EVL: variants seen among roughly 807,000 people sequenced by gnomAD.
The protein encoded by EVL is ena/VASP-like protein.
EVL carries 21 observed loss-of-function variants against 59.6 expected under a neutral mutation model. The ratio of observed to expected loss-of-function variants is 0.35; its 90% CI spans 0.25 to 0.51. The LOEUF (loss-of-function observed/expected upper bound fraction) is 0.51. Among genes scored for constraint, EVL ranks in the 20% least tolerant of loss-of-function variants. The pLI is 0.97. For missense variants in EVL, 462 were observed against 546.6 expected, an observed-to-expected ratio of 0.85 and a Z score of 1.54; for synonymous variants, 198 against 203.5, an observed-to-expected ratio of 0.97 and a Z score of 0.23.
At chr14:100,005,630 TACACACACACACAC>T (rs35844160) in intron 1 of EVL, among the ~76,000 whole-genome samples, 21 of 143,750 alleles carry the variant, frequency 1.5e-4, no homozygotes, top group South Asian at 4.7e-4. Context: ...GCCTTTTAAA[TACACACACACACAC>T]ACACACACAC....
chr14:100,060,711 A>T (rs1461705842), upstream of EVL, among the ~76,000 whole-genome samples: 1 of 152,164 alleles, frequency 6.6e-6, no homozygotes, highest in Non-Finnish European at 1.5e-5. Flanking sequence ...GGAAATAATG[A>T]CCAGAATTTC....
rs899024658 is a variant in EVL at position 100,022,153 on chromosome 14, G to A, written c.5+50096G>A. On this transcript the variant is annotated intron_variant, in intron 1 of 13. Transcript: ENST00000402714. ...AGTTCTTCCTACATGAATATAAAGGGGGAAGCACATCCTGGGGCCGGCTCC... is the reference window on the plus strand; with the variant it reads ...AGTTCTTCCTACATGAATATAAAGGAGGAAGCACATCCTGGGGCCGGCTCC... 9.9e-5 allele frequency among the ~76,000 whole-genome samples: 15 copies of A among 152,136 alleles called. No individual in the cohort carries two copies. The East Asian group carries it at 2.7e-3, about 27-fold the overall frequency.
At chr14:100,035,583 C>G (rs929044873) in intron 1 of EVL, among the ~76,000 whole-genome samples, 6 of 152,070 alleles carry the variant, frequency 3.9e-5, no homozygotes, top group African/African-American at 1.4e-4. Flanking sequence ...GTCATTTACC[C>G]TCTTTGAGAC....
chr14:100,053,566 A>T (rs1047459895), intron 1 of EVL, among the ~76,000 whole-genome samples: 2 of 152,202 alleles, frequency 1.3e-5, no homozygotes, highest in Non-Finnish European at 2.9e-5. Context: ...TATTTTATTT[A>T]AAAATAGTCA....
intron 1 of EVL, among the ~76,000 whole-genome samples, chr14:100,028,803 C>A (rs1180731733): frequency 6.6e-6 from 1 of 152,120 alleles, no homozygotes; most frequent in East Asian, 1.9e-4. Flanking sequence ...GAGCGAGATT[C>A]CATCTCAAAA....
intron 1 of EVL, among the ~76,000 whole-genome samples, chr14:100,006,672 G>A (rs1399323867): frequency 6.6e-6 from 1 of 152,206 alleles, no homozygotes; most frequent in African/African-American, 2.4e-5. Flanking sequence ...AGACTGCTCT[G>A]TGCCATCCAA....
At chr14:99,982,825 G>C (rs1166560637) in intron 1 of EVL, among the ~76,000 whole-genome samples, 7 of 152,202 alleles carry the variant, frequency 4.6e-5, no homozygotes, top group Admixed American at 4.6e-4. Flanking sequence ...TGTATACTGA[G>C]CAGCCTGGGT....
intron 4 of EVL, among the ~76,000 whole-genome samples, chr14:100,124,273 C>G (rs1887886604): frequency 6.6e-6 from 1 of 152,200 alleles, no homozygotes; most frequent in African/African-American, 2.4e-5. Flanking sequence ...GGGAGTCAAG[C>G]TGCAGCTCTC....
intron 1 of EVL, among the ~76,000 whole-genome samples, chr14:99,997,584 G>A (rs2060922037): frequency 6.6e-6 from 1 of 152,226 alleles, no homozygotes; most frequent in Non-Finnish European, 1.5e-5. Flanking sequence ...ATGGAGATAG[G>A]TCTGAAGTCA....
Position 100,131,971 on chromosome 14 carries a change from C to T in EVL, c.840-748C>T, listed in dbSNP as rs112640232. On this transcript the variant is annotated intron_variant, in intron 7 of 13. Coordinates refer to ENST00000392920, the MANE Select transcript of EVL (RefSeq NM_016337.3). The stretch of plus-strand genomic sequence containing the variant: ...TGACAGCCTGGCCACGGCCCATTAT[C>T]ACACCTCAGACCAGCTCCATGCTTG... 9.7e-3 allele frequency among the ~76,000 whole-genome samples: 1,473 copies of T among 152,196 alleles called. 15 individuals are homozygous for T. The highest frequency in any genetic ancestry group is 0.034 in the African/African-American group (1,397 of 41,488).
At chr14:100,023,489 G>A (rs2061162239) in intron 1 of EVL, among the ~76,000 whole-genome samples, 1 of 148,462 alleles carries the variant, frequency 6.7e-6, no homozygotes, top group Admixed American at 6.8e-5. Flanking sequence ...CACCATGCCT[G>A]ACTAATTTTG....
At chr14:100,041,246 T>C (rs2061463208) in intron 1 of EVL, among the ~76,000 whole-genome samples, 1 of 152,220 alleles carries the variant, frequency 6.6e-6, no homozygotes, top group Non-Finnish European at 1.5e-5. Flanking sequence ...GAACTTTTTT[T>C]CCCAGAACTC....
intron 1 of EVL, among the ~76,000 whole-genome samples, chr14:100,055,023 A>G (rs1167570377): frequency 6.6e-6 from 1 of 152,098 alleles, no homozygotes; most frequent in Non-Finnish European, 1.5e-5. Flanking sequence ...CAAAATGGTG[A>G]AACCCCGTCT....
intron 11 of EVL, 55 bp downstream of exon 11, chr14:100,137,857 C>G: frequency 6.5e-7 from 1 of 1,549,342 alleles, no homozygotes; most frequent in Non-Finnish European, 8.9e-7. Context: ...CTCCTCTGTC[C>G]CCCGTCCCGT....
chr14:100,120,623 AAC>A (rs1157575972), intron 3 of EVL, among the ~76,000 whole-genome samples: 1 of 152,156 alleles, frequency 6.6e-6, no homozygotes, highest in African/African-American at 2.4e-5. Context: ...TAGCGCACAA[AAC>A]ACAGAGAGAC....
At position 100,127,436 on chromosome 14, in the gene EVL, G is replaced by T. The variant is rs182096519; in HGVS notation, c.487+665G>T. On this transcript the variant is annotated intron_variant, in intron 5 of 13. Coordinates refer to ENST00000392920, the MANE Select transcript of EVL (RefSeq NM_016337.3). This position sits in a 1 kb window ranked among gnomAD's most constrained non-coding sequence, Gnocchi z 4.2. ...TGATGAGAAACCCGAGCCCCCACTG[G>T]TTACAGGAACGCTCTGCTCGTGAGA... 4.6e-5 allele frequency among the ~76,000 whole-genome samples: 7 copies of T among 152,272 alleles called. No homozygotes were observed. Among genetic ancestry groups the T allele is most frequent in the African/African-American group, 1.7e-4 (7 of 41,542 alleles).
At chr14:100,111,582 G>A (rs1407637476) in intron 3 of EVL, among the ~76,000 whole-genome samples, 1 of 152,156 alleles carries the variant, frequency 6.6e-6, no homozygotes. Flanking sequence ...TGTTCCTGGA[G>A]TGCCCAATCC....
In EVL at chr14:100,141,261, T is replaced by C; in HGVS notation, c.1161+15T>C. On this transcript the variant is annotated intron_variant, in intron 12 of 13. Coordinates refer to ENST00000392920, the MANE Select transcript of EVL (RefSeq NM_016337.3). ...GGATGAAGCAGGTGAGCATGCCCTG[T>C]GCCCTTCCCTCAAGAGGCTGAGGGC... is the stretch of plus-strand genomic sequence containing the variant. The C allele has an allele frequency of 6.2e-7, 1 of 1,613,306 alleles. No homozygotes were observed. Among genetic ancestry groups the C allele is most frequent in the South Asian group, 1.1e-5 (1 of 91,054 alleles).
At chr14:99,994,932 G>C (rs2060903273) in intron 1 of EVL, among the ~76,000 whole-genome samples, 1 of 152,108 alleles carries the variant, frequency 6.6e-6, no homozygotes, top group Non-Finnish European at 1.5e-5. Flanking sequence ...ATTCTTATTT[G>C]ACAGTTATTT....
Sources: gnomAD v4.1 joint callset for allele counts (sites outside exome capture counted in the v4.1 genomes callset) on GRCh38, gnomAD v4.1.1 for gene constraint, Gnocchi (gnomAD v3.1) non-coding constraint, MANE v1.5 for transcripts, NCBI Gene and HGNC (gene_info 2026-07-23, HGNC 2026-07-21) for gene names.